Variants in DDAH1 observed in about 807,000 individuals in gnomAD.
DDAH1 encodes the protein N(G),N(G)-dimethylarginine dimethylaminohydrolase 1.
DDAH1 carries 19 observed loss-of-function variants against 28.8 expected under a neutral mutation model. The observed-to-expected ratio is 0.66, with a 90% confidence interval of 0.46 to 0.97. The LOEUF (loss-of-function observed/expected upper bound fraction) is 0.97. Ranked by LOEUF, DDAH1 falls within the 50% of genes least tolerant of loss-of-function variation. DDAH1 has a pLI of 0.00. For missense variants in DDAH1, 326 were observed against 375.9 expected, an observed-to-expected ratio of 0.87 and a Z score of 1.10; for synonymous variants, 153 against 154.4, an observed-to-expected ratio of 0.99 and a Z score of 0.07.
In DDAH1 at chr1:85,524,938, C is replaced by T. The variant is rs534643775; in HGVS notation, c.-122-28657G>A. On this transcript the variant is annotated intron_variant, in intron 1 of 6. Coordinates refer to the DDAH1 transcript ENST00000426972. ...TAAGCAGATGGGGGGAAGTTGTCAG[C>T]GGCAAAGAATGGGCACCTACGGAGA... 3.5e-4 allele frequency among the ~76,000 whole-genome samples: 26 copies of T among 74,368 alleles called. 4 individuals are homozygous for T. The highest frequency in any genetic ancestry group is 7.7e-4 in the African/African-American group (22 of 28,550). The allele number at this position is 74,368 out of a possible 152,430, so 48.8% of individuals were successfully genotyped here. A position where few individuals can be genotyped will look rare whatever the true frequency, so the allele number is the denominator to read the frequency against.
chr1:85,380,911 T>C lies in DDAH1; in HGVS notation c.304-22064A>G, dbSNP rs115306616. On this transcript the variant is annotated intron_variant, in intron 1 of 5. Transcript: ENST00000284031. ...ATAAATTTTAAAACACATCTGGCAC[T>C]CTGGGTTTCAGAGAAGAAACTATAG... Among the ~76,000 whole-genome samples the C allele has an allele frequency of 4.0e-3, 609 of 152,278 alleles. 1 individual carries two copies. The highest frequency in any genetic ancestry group is 6.8e-3 in the Non-Finnish European group (461 of 68,014).
chr1:85,506,473 C>G (rs1349350361), intron 1 of DDAH1, among the ~76,000 whole-genome samples: 3 of 152,188 alleles, frequency 2.0e-5, no homozygotes, highest in African/African-American at 7.2e-5. Flanking sequence ...AGATTTCACA[C>G]TTGGCCCACA....
chr1:85,424,085 A>T (rs1557612569), intron 1 of DDAH1, among the ~76,000 whole-genome samples: 1 of 152,020 alleles, frequency 6.6e-6, no homozygotes, highest in African/African-American at 2.4e-5. Context: ...ATTGTGTATA[A>T]TTTTTTTATA....
chr1:85,546,207 T>G (rs1658621394), intron 1 of DDAH1, among the ~76,000 whole-genome samples: 2 of 151,934 alleles, frequency 1.3e-5, no homozygotes, highest in African/African-American at 4.8e-5. Flanking sequence ...TAAGAGGTGA[T>G]TAGGCCATGG....
chr1:85,447,135 G>C (rs553155282), intron 1 of DDAH1, among the ~76,000 whole-genome samples: 1 of 152,262 alleles, frequency 6.6e-6, no homozygotes, highest in East Asian at 1.9e-4. Flanking sequence ...ACCAATCACT[G>C]CCTGCCTATT....
chr1:85,329,300 A>G (rs1647618486), intron 4 of DDAH1, among the ~76,000 whole-genome samples: 1 of 152,210 alleles, frequency 6.6e-6, no homozygotes, highest in Admixed American at 6.5e-5. Flanking sequence ...AGTTGACTTC[A>G]GCTGTTTCCA....
chr1:85,486,081 C>G (rs1656195226), intron 2 of DDAH1, among the ~76,000 whole-genome samples: 1 of 152,176 alleles, frequency 6.6e-6, no homozygotes, highest in African/African-American at 2.4e-5. Flanking sequence ...CCTGCTGTCA[C>G]TCTTGCTCTC....
At chr1:85,466,829 A>ATTATTTT, upstream of DDAH1, among the ~76,000 whole-genome samples, 1 of 46,566 alleles carries the variant, frequency 2.1e-5, no homozygotes, top group African/African-American at 7.4e-5. Flanking sequence ...TTCATTATTT[A>ATTATTTT]TTCTTTTTTT....
At chr1:85,564,894 G>A (rs1659249580) in intron 1 of DDAH1, among the ~76,000 whole-genome samples, 1 of 149,164 alleles carries the variant, frequency 6.7e-6, no homozygotes, top group South Asian at 2.1e-4. Flanking sequence ...CTTAAAAGCA[G>A]CCAAAGAAAA....
intron 1 of DDAH1, among the ~76,000 whole-genome samples, chr1:85,429,969 G>A (rs146482999): frequency 0.022 from 3,324 of 152,286 alleles, 49 homozygotes; most frequent in Non-Finnish European, 0.033. Flanking sequence ...TGTTCACTTT[G>A]ATGGTAGTTT....
intron 1 of DDAH1, chr1:85,435,103 AAC>A (rs1653873581): frequency 1.3e-5 from 2 of 152,190 alleles, no homozygotes; most frequent in Non-Finnish European, 2.9e-5. Flanking sequence ...TATATTTGCT[AAC>A]AGATTATTGA....
At chr1:85,356,426 T>A (rs1649490187) in intron 2 of DDAH1, among the ~76,000 whole-genome samples, 1 of 152,232 alleles carries the variant, frequency 6.6e-6, no homozygotes, top group African/African-American at 2.4e-5. Flanking sequence ...GTTACAGACC[T>A]TATTTCTTAT....
At chr1:85,567,654 A>T (rs1247375745) in intron 1 of DDAH1, among the ~76,000 whole-genome samples, 3 of 152,240 alleles carry the variant, frequency 2.0e-5, no homozygotes, top group Non-Finnish European at 2.9e-5. Context: ...AGAATCACAG[A>T]TGAGTCAATT....
chr1:85,394,882 C>G (rs1028196380), intron 1 of DDAH1, among the ~76,000 whole-genome samples: 1 of 152,090 alleles, frequency 6.6e-6, no homozygotes, highest in Non-Finnish European at 1.5e-5. Flanking sequence ...AATACTGACC[C>G]ATTAATTGCT....
intron 2 of DDAH1, among the ~76,000 whole-genome samples, chr1:85,474,184 C>T (rs1348569119): frequency 6.6e-6 from 1 of 152,218 alleles, no homozygotes; most frequent in African/African-American, 2.4e-5. Flanking sequence ...TTCAAATCCA[C>T]CCATGTCTCT....
Position 85,566,311 on chromosome 1 carries a change from G to T in DDAH1, c.-123+11673C>A, listed in dbSNP as rs1570680744. ...GCTCCAGCCCAGGAGTTCAGCCTGG[G>T]CAATATAGTGAGAGCTCATTTCTAC... On this transcript the variant is annotated intron_variant, in intron 1 of 6. Transcript: ENST00000426972. Among the ~76,000 whole-genome samples the T allele has an allele frequency of 2.6e-5, 4 of 151,712 alleles. No individual in the cohort carries two copies. In the East Asian group the frequency reaches 7.7e-4, roughly 29 times the overall value.
At chr1:85,532,225 TTCTC>T (rs1457428546) in intron 1 of DDAH1, among the ~76,000 whole-genome samples, 5 of 151,308 alleles carry the variant, frequency 3.3e-5, no homozygotes, top group East Asian at 2.0e-4. Flanking sequence ...GCACTCTTGA[TTCTC>T]TCTAAGTGCC....
chr1:85,538,450 T>C (rs1397385477), intron 1 of DDAH1, among the ~76,000 whole-genome samples: 1 of 152,210 alleles, frequency 6.6e-6, no homozygotes, highest in Admixed American at 6.5e-5. Context: ...TCATTATTAT[T>C]AGTGTTGGAT....
At chr1:85,520,464 C>T (rs1300959444) in intron 1 of DDAH1, among the ~76,000 whole-genome samples, 1 of 152,166 alleles carries the variant, frequency 6.6e-6, no homozygotes, top group Non-Finnish European at 1.5e-5. Context: ...TGAACAGTTG[C>T]ACTAGGTTAA....
Sources: gnomAD v4.1 joint callset for allele counts (sites outside exome capture counted in the v4.1 genomes callset) on GRCh38, gnomAD v4.1.1 for gene constraint, MANE v1.5 for transcripts, NCBI Gene and HGNC (gene_info 2026-07-23, HGNC 2026-07-21) for gene names.